Variants in EYS observed in about 807,000 individuals in gnomAD.
EYS encodes protein eyes shut homolog.
Under a neutral mutation model 282.1 loss-of-function variants are expected in EYS, and 250 were observed. The observed-to-expected ratio is 0.89, with a 90% CI of 0.80 to 0.98. The LOEUF is 0.98. Among genes scored for constraint, EYS ranks in the 50% least tolerant of loss-of-function variants. The pLI, the probability that EYS is intolerant of heterozygous loss-of-function variation, is 0.00. For missense variants in EYS, 4,016 were observed against 3,709.0 expected, an observed-to-expected ratio of 1.08 and a Z score of -2.15; for synonymous variants, 1,355 against 1,282.9, an observed-to-expected ratio of 1.06 and a Z score of -1.20.
chr6:64,989,311 A>G (rs190925969), intron 14 of EYS, among the ~76,000 whole-genome samples: 33 of 147,134 alleles, frequency 2.2e-4, no homozygotes, highest in African/African-American at 4.3e-4. Context: ...TGTAGTCAAG[A>G]TGATGCCATA....
chr6:64,264,080 A>G (rs981679616), intron 30 of EYS, among the ~76,000 whole-genome samples: 1 of 140,894 alleles, frequency 7.1e-6, no homozygotes, highest in African/African-American at 2.7e-5. Flanking sequence ...GGAATATTCA[A>G]TACTCTAGTG....
At chr6:64,188,323 T>C (rs566405501) in intron 31 of EYS, among the ~76,000 whole-genome samples, 1 of 152,276 alleles carries the variant, frequency 6.6e-6, no homozygotes, top group Admixed American at 6.5e-5. Context: ...CTAATAGTTC[T>C]GATCATCTTT....
chr6:64,235,334 G>C (rs1766563673), intron 30 of EYS, among the ~76,000 whole-genome samples: 1 of 148,630 alleles, frequency 6.7e-6, no homozygotes, highest in Non-Finnish European at 1.5e-5. Flanking sequence ...GTGAGAATAT[G>C]CGGTGTTTGG....
At chr6:65,037,486 G>T (rs997996481) in intron 13 of EYS, among the ~76,000 whole-genome samples, 11 of 151,716 alleles carry the variant, frequency 7.3e-5, no homozygotes, top group Non-Finnish European at 1.3e-4. Flanking sequence ...AAAGAAAAAA[G>T]ACCTATATGA....
intron 1 of EYS, among the ~76,000 whole-genome samples, chr6:65,686,392 T>A (rs1308779793): frequency 6.6e-6 from 1 of 152,094 alleles, no homozygotes; most frequent in Non-Finnish European, 1.5e-5. Flanking sequence ...TGCCATTTTT[T>A]AGTAATTATT....
chr6:64,026,963 C>T (rs1430242055), intron 33 of EYS, among the ~76,000 whole-genome samples: 1 of 152,182 alleles, frequency 6.6e-6, no homozygotes, highest in Non-Finnish European at 1.5e-5. Flanking sequence ...CTAGGGCAAA[C>T]CTTTGACCTC....
Position 64,220,647 on chromosome 6 carries a change from TGACTC to T in EYS, c.6424+9940_6424+9944del, listed in dbSNP as rs1766072460. ...AGGACATGGTAGGAAAAATGAAACA[TGACTC>T]GAACAGAGAAAATACTGAGAGTGCC... On this transcript the variant is annotated intron_variant, in intron 31 of 42. Transcript: ENST00000503581. Among the ~76,000 whole-genome samples the T allele has an allele frequency of 5.3e-5, 8 of 152,284 alleles. No individual in the cohort carries two copies. In the South Asian group the frequency reaches 1.7e-3, roughly 32 times the overall value.
chr6:63,865,634 C>G (rs1772653880), intron 35 of EYS, among the ~76,000 whole-genome samples: 1 of 152,080 alleles, frequency 6.6e-6, no homozygotes, highest in African/African-American at 2.4e-5. Context: ...GACACAGCCT[C>G]CCAGTCTAGT....
intron 5 of EYS, among the ~76,000 whole-genome samples, chr6:65,444,131 A>C (rs17768321): frequency 0.19 from 28,158 of 151,980 alleles, 3,252 homozygotes; most frequent in Middle Eastern, 0.29. Context: ...TGTCAAGGAA[A>C]CAGAGTAGTC....
At chr6:64,425,657 GAAAA>G (rs34577912) in intron 28 of EYS, among the ~76,000 whole-genome samples, 1,197 of 67,784 alleles carry the variant, frequency 0.018, 18 homozygotes, top group African/African-American at 0.064. Flanking sequence ...TCCATCCCAG[GAAAA>G]AAAAAAAAAA....
intron 15 of EYS, among the ~76,000 whole-genome samples, chr6:64,931,418 G>A (rs1166379487): frequency 6.6e-6 from 1 of 151,964 alleles, no homozygotes; most frequent in African/African-American, 2.4e-5. Flanking sequence ...TTGATCAGTG[G>A]AAATTTGTGG....
intron 2 of EYS, among the ~76,000 whole-genome samples, chr6:65,566,719 T>A (rs977698234): frequency 6.6e-6 from 1 of 152,140 alleles, no homozygotes; most frequent in African/African-American, 2.4e-5. Flanking sequence ...ACTTAACATG[T>A]TAGAGCCTAA....
intron 31 of EYS, among the ~76,000 whole-genome samples, chr6:64,154,243 C>G (rs774769879): frequency 7.9e-5 from 12 of 151,976 alleles, no homozygotes; most frequent in Non-Finnish European, 1.0e-4. Flanking sequence ...GAGTTCAAGA[C>G]CAGCCTGACC....
At chr6:64,208,676 T>A (rs763693934) in intron 31 of EYS, among the ~76,000 whole-genome samples, 2 of 152,172 alleles carry the variant, frequency 1.3e-5, no homozygotes, top group Non-Finnish European at 2.9e-5. Context: ...TATTTTGGGT[T>A]ACAAGTATAT....
intron 34 of EYS, 21 bp from the exon 35 acceptor site, chr6:63,984,624 A>ACCT: frequency 6.8e-7 from 1 of 1,462,986 alleles, no homozygotes; most frequent in Non-Finnish European, 9.4e-7. Context: ...AGTAACAACA[A>ACCT]AAAATATTAT....
At chr6:65,390,272 A>G (rs910323077) in intron 7 of EYS, among the ~76,000 whole-genome samples, 2 of 151,378 alleles carry the variant, frequency 1.3e-5, no homozygotes, top group East Asian at 1.9e-4. Flanking sequence ...AGTGGTGATA[A>G]AGAAAAGGTC....
rs115030348 is a variant in EYS, at chr6:64,523,678, T to C, written c.5644+66545A>G. On this transcript the variant is annotated intron_variant, in intron 26 of 42. Coordinates refer to ENST00000503581, the MANE Select transcript of EYS (RefSeq NM_001142800.2). The stretch of plus-strand genomic sequence containing the variant: ...AGAGAGGAATGGGTGTGATAAAAGA[T>C]AATAAAGAAAGAAAGGACTCAGGAA... Among the ~76,000 whole-genome samples, 1,035 of 151,682 alleles carry C rather than the reference T, an allele frequency of 6.8e-3. 8 individuals are homozygous for C. The highest frequency in any genetic ancestry group is 0.013 in the South Asian group (64 of 4,820).
intron 12 of EYS, among the ~76,000 whole-genome samples, chr6:65,152,907 AAT>A (rs1764646182): frequency 6.6e-6 from 1 of 151,572 alleles, no homozygotes; most frequent in South Asian, 2.1e-4. Flanking sequence ...ATTAATTAAC[AAT>A]ATGACTTCAT....
At chr6:64,569,365 GAATC>G (rs1167758545) in intron 26 of EYS, among the ~76,000 whole-genome samples, 1 of 151,784 alleles carries the variant, frequency 6.6e-6, no homozygotes, top group Admixed American at 6.6e-5. Flanking sequence ...ACCAATAGCT[GAATC>G]AATCAAGCAG....
Sources: allele counts gnomAD v4.1 joint callset (sites outside exome capture counted in the v4.1 genomes callset), GRCh38; gene constraint gnomAD v4.1.1; transcripts MANE v1.5; gene names NCBI Gene and HGNC (gene_info 2026-07-23, HGNC 2026-07-21).